The following SIM1 variants were observed in gnomAD, a reference collection of about 807,000 sequenced individuals.
SIM1 encodes the protein SIM bHLH transcription factor 1.
Under a neutral mutation model 78.2 loss-of-function variants are expected in SIM1, and 18 were observed. The observed-to-expected ratio is 0.23, with a 90% confidence interval of 0.16 to 0.34. The LOEUF (loss-of-function observed/expected upper bound fraction) is 0.34, where lower values mean the gene tolerates loss of function less well. Ranked by LOEUF, SIM1 falls within the 10% of genes least tolerant of loss-of-function variation. The pLI is 1.00. For synonymous variants in SIM1, 417 were observed against 385.2 expected (o/e 1.08, Z -0.97); for missense variants, 939 against 975.1 (o/e 0.96, Z 0.49).
At chr6:100,435,777 A>G (rs953228913) in intron 9 of SIM1, among the ~76,000 whole-genome samples, 1 of 152,148 alleles carries the variant, frequency 6.6e-6, no homozygotes, top group African/African-American at 2.4e-5. Flanking sequence ...TCATAATCCT[A>G]TCAGAACTCA....
At chr6:100,413,062 A>G (rs1489997947) in intron 10 of SIM1, among the ~76,000 whole-genome samples, 3 of 152,158 alleles carry the variant, frequency 2.0e-5, no homozygotes, top group Non-Finnish European at 4.4e-5. Flanking sequence ...AGGGCAGGTC[A>G]ACTCCCAACA....
Position 100,390,468 on chromosome 6 carries a change from A to G in SIM1, c.2194T>C (p.Leu732=), listed in dbSNP as rs886060894. The G allele has an allele frequency of 1.9e-6, 3 of 1,614,144 alleles. No individual in the cohort carries two copies. The highest frequency in any genetic ancestry group is 2.2e-5 in the East Asian group (1 of 44,882). ...YDSETIRNYS[L]GCNGSHFDVT... ...TCAAAGTGTGAGCCATTACAGCCCA[A>G]GGAATAGTTTCTAATGGTTTCGCTG... The change falls in exon 12 of 12, where the codon TTG becomes CTG. Residue 732 remains leucine (L), a synonymous_variant. Transcript: ENST00000369208.
intron 9 of SIM1, among the ~76,000 whole-genome samples, chr6:100,440,770 C>G (rs1772191803): frequency 6.6e-6 from 1 of 152,132 alleles, no homozygotes; most frequent in Non-Finnish European, 1.5e-5. Context: ...ACATCATAAG[C>G]CAAGAACAGA....
intron 3 of SIM1, 123 bp downstream of exon 3, chr6:100,453,639 T>G: frequency 1.6e-5 from 12 of 745,606 alleles, no homozygotes; most frequent in East Asian, 2.9e-5. Flanking sequence ...GGATCCCTGT[T>G]TTTGTGGGGG....
chr6:100,437,515 A>G (rs1399006704), intron 9 of SIM1: 2 of 152,152 alleles, frequency 1.3e-5, no homozygotes, highest in African/African-American at 4.8e-5. Flanking sequence ...TAAGATTTAC[A>G]TTCAGAATAT....
Position 100,431,183 on chromosome 6 carries a change from T to C in SIM1, c.999-10225A>G, listed in dbSNP as rs17060593. On this transcript the variant is annotated intron_variant, in intron 9 of 11. Coordinates refer to ENST00000369208, the MANE Select transcript of SIM1 (RefSeq NM_005068.3). ...GATGCAATGTTTTCAAATGCACAAATCTTCATTTGTTTAACTTAAATATTT... is the reference window on the plus strand; with the variant it reads ...GATGCAATGTTTTCAAATGCACAAACCTTCATTTGTTTAACTTAAATATTT... 6.6e-3 allele frequency among the ~76,000 whole-genome samples: 1,004 copies of C among 152,306 alleles called. 12 individuals carry two copies. The highest frequency in any genetic ancestry group is 0.023 in the African/African-American group (958 of 41,564).
At chr6:100,439,126 G>A (rs948104838) in intron 9 of SIM1, among the ~76,000 whole-genome samples, 1 of 152,088 alleles carries the variant, frequency 6.6e-6, no homozygotes, top group Non-Finnish European at 1.5e-5. Flanking sequence ...AAAGAAACAT[G>A]CTCAGTTTCA....
chr6:100,438,281 C>T (rs1334546920), intron 9 of SIM1, among the ~76,000 whole-genome samples: 1 of 152,060 alleles, frequency 6.6e-6, no homozygotes, highest in Non-Finnish European at 1.5e-5. Flanking sequence ...ACAAATAATA[C>T]CATCAAAAAG....
At position 100,393,788 on chromosome 6, in the gene SIM1, G is replaced by C; in HGVS notation, c.1269C>G (p.Ala423=). 6.2e-7 allele frequency: 1 copy of C among 1,614,070 alleles called. No individual in the cohort carries two copies. The highest frequency in any genetic ancestry group is 1.3e-5 in the African/African-American group (1 of 75,060). ...CGTCGTGCTGGGAGCCAGGCCTATC[G>C]GCGGGGTCCAGAAGCTGCGGAGAGG... ...DTASPQLLDP[A]DRPGSQHDAS... Residue 423 remains alanine, a synonymous_variant, in exon 11 of 12, where the codon GCC becomes GCG. Coordinates refer to ENST00000369208, the MANE Select transcript of SIM1 (RefSeq NM_005068.3).
chr6:100,417,755 C>A (rs1015384100), intron 10 of SIM1, among the ~76,000 whole-genome samples: 1 of 152,164 alleles, frequency 6.6e-6, no homozygotes, highest in Non-Finnish European at 1.5e-5. Context: ...GTCTATACCA[C>A]CCAGGATAGC....
Position 100,463,286 on chromosome 6 carries a change from T to C in SIM1, c.175+8A>G. On this transcript the variant is annotated splice_region_variant and intron_variant, in intron 2 of 11. Transcript: ENST00000369208. ...CCTTTGAAATTCCATCTGGGCAAAG[T>C]CACTTACCTTCTGGGAACACCACTC... is the stretch of plus-strand genomic sequence containing the variant. 1 of 1,599,356 alleles carries C rather than the reference T, an allele frequency of 6.3e-7. No homozygotes were observed. The highest frequency in any genetic ancestry group is 1.3e-5 in the African/African-American group (1 of 74,836).
chr6:100,413,774 C>CAAATATCTATT (rs1263979386), intron 10 of SIM1, among the ~76,000 whole-genome samples: 2 of 152,174 alleles, frequency 1.3e-5, no homozygotes, highest in Non-Finnish European at 2.9e-5. Context: ...CTATTTTATA[C>CAAATATCTATT]TGTTGTGCTC....
At chr6:100,406,616 A>G (rs778590597) in intron 10 of SIM1, among the ~76,000 whole-genome samples, 16 of 152,226 alleles carry the variant, frequency 1.1e-4, no homozygotes, top group Non-Finnish European at 2.1e-4. Context: ...AGTCAAGTAC[A>G]GTAAAAATGA....
chr6:100,425,829 A>G (rs1458577673), intron 9 of SIM1, among the ~76,000 whole-genome samples: 1 of 152,214 alleles, frequency 6.6e-6, no homozygotes, highest in Non-Finnish European at 1.5e-5. Flanking sequence ...CATGTATTTA[A>G]TGCTTCCTCA....
Position 100,388,546 on chromosome 6 carries a change from C to A in SIM1, c.*1815G>T, listed in dbSNP as rs1429623664. The A allele has an allele frequency of 6.6e-6, 1 of 152,108 alleles. No individual in the cohort carries two copies. The highest frequency in any genetic ancestry group is 1.5e-5 in the Non-Finnish European group (1 of 68,016). The allele number at this position is 152,108 out of a possible 1,614,324, so 9.4% of individuals were successfully genotyped here. A position where few individuals can be genotyped will look rare whatever the true frequency, so the allele number is the denominator to read the frequency against. ...GCCTCTCCTTTCATATACAAACAACCCAGTACTCATCTTTCATATTATCGT... is the reference window on the plus strand; with the variant it reads ...GCCTCTCCTTTCATATACAAACAACACAGTACTCATCTTTCATATTATCGT... On this transcript the variant is annotated 3_prime_UTR_variant, in exon 12 of 12. Transcript: ENST00000369208.
intron 10 of SIM1, among the ~76,000 whole-genome samples, chr6:100,412,047 C>G (rs542495821): frequency 4.6e-5 from 7 of 152,024 alleles, no homozygotes; most frequent in Non-Finnish European, 8.8e-5. Context: ...TGAGGAACAG[C>G]TAGGGCAGTG....
rs778765786 is a variant in SIM1, at chr6:100,393,790, C to T, written c.1267G>A (p.Ala423Thr). ...TCGTGCTGGGAGCCAGGCCTATCGG[C>T]GGGGTCCAGAAGCTGCGGAGAGGCC... The part of the protein sequence containing the change: ...DTASPQLLDP[A>T]DRPGSQHDAS... Residue 423 changes from alanine (A) to threonine (T), a missense_variant, in exon 11 of 12, where the codon GCC becomes ACC. This residue lies in a region of SIM1 where 556 missense variants were observed against 521.9 expected (regional missense o/e 1.07). Transcript: ENST00000369208. 14 of 1,613,988 alleles carry T rather than the reference C, an allele frequency of 8.7e-6. No individual in the cohort carries two copies. Among genetic ancestry groups the T allele is most frequent in the East Asian group, 2.2e-5 (1 of 44,878 alleles).
At chr6:100,412,318 C>T (rs2114489826) in intron 10 of SIM1, among the ~76,000 whole-genome samples, 1 of 151,932 alleles carries the variant, frequency 6.6e-6, no homozygotes, top group East Asian at 1.9e-4. Flanking sequence ...GGGTGGATCA[C>T]CTGAGGTCAT....
intron 9 of SIM1, among the ~76,000 whole-genome samples, chr6:100,425,860 T>C (rs567149764): frequency 4.6e-5 from 7 of 152,302 alleles, no homozygotes; most frequent in Non-Finnish European, 5.9e-5. Context: ...CAAAATAAAA[T>C]ACTCAGCTGC....
Sources: gnomAD v4.1 joint callset for allele counts (sites outside exome capture counted in the v4.1 genomes callset) on GRCh38, gnomAD v4.1.1 for gene constraint, gnomAD v4.1.1 regional missense constraint, MANE v1.5 for transcripts, NCBI Gene and HGNC (gene_info 2026-07-23, HGNC 2026-07-21) for gene names.